Variants in NUSAP1 observed in about 807,000 individuals in gnomAD.
NUSAP1 encodes nucleolar and spindle-associated protein 1.
A neutral mutation model predicts 52.8 loss-of-function variants in NUSAP1; 32 were observed. The observed-to-expected ratio is 0.61, with a 90% CI of 0.46 to 0.81. The LOEUF (loss-of-function observed/expected upper bound fraction) is 0.81, where lower values mean the gene tolerates loss of function less well. Ranked by LOEUF, NUSAP1 falls within the 40% of genes least tolerant of loss-of-function variation. NUSAP1 has a pLI of 0.00. For synonymous variants in NUSAP1, 195 were observed against 183.1 expected (o/e 1.06, Z -0.52); for missense variants, 499 against 522.3 (o/e 0.96, Z 0.43).
chr15:41,344,940 C>G (rs1333793058), intron 2 of NUSAP1, among the ~76,000 whole-genome samples: 4 of 151,790 alleles, frequency 2.6e-5, no homozygotes, highest in Admixed American at 2.0e-4. Flanking sequence ...GACTCCGTCT[C>G]CGAAAAAAAG....
At chr15:41,351,711 C>T (rs1312459796) in intron 4 of NUSAP1, among the ~76,000 whole-genome samples, 2 of 152,096 alleles carry the variant, frequency 1.3e-5, no homozygotes, top group Non-Finnish European at 2.9e-5. Context: ...TGCTTGAACC[C>T]AGGAGGTTAA....
chr15:41,353,802 A>G (rs2048863603), intron 4 of NUSAP1, among the ~76,000 whole-genome samples: 2 of 152,112 alleles, frequency 1.3e-5, no homozygotes, highest in African/African-American at 4.8e-5. Flanking sequence ...TTAACCCGCT[A>G]CCTGTCCTAT....
intron 4 of NUSAP1, 49 bp from the exon 5 acceptor site, chr15:41,355,990 A>AGAAGC: frequency 8.1e-7 from 1 of 1,236,030 alleles, no homozygotes; most frequent in Non-Finnish European, 1.2e-6. Flanking sequence ...ATATTTCTTA[A>AGAAGC]TGAGAACTTT....
At position 41,349,111 on chromosome 15, in the gene NUSAP1, C is replaced by T. The variant is rs2048688509; in HGVS notation, c.176C>T (p.Thr59Ile). ...KGNENQDESQTSASSCDETEI... is the reference protein window; with the variant it reads ...KGNENQDESQISASSCDETEI... ...CTCTCTTTTCAGGATGAAAGTCAAA[C>T]TTCTGCATCCTCTTGTGATGAGACT... The change falls in exon 3 of 11, where the codon ACT becomes ATT. Residue 59 changes from threonine to isoleucine, a missense_variant. Thr to Ile is a moderately conservative substitution (Grantham distance 89, BLOSUM62 -1). Coordinates refer to ENST00000559596, the MANE Select transcript of NUSAP1 (RefSeq NM_016359.5). 6.2e-7 allele frequency: 1 copy of T among 1,613,684 alleles called. No homozygotes were observed. Among genetic ancestry groups the T allele is most frequent in the Admixed American group, 1.7e-5 (1 of 59,972 alleles).
chr15:41,351,477 C>T (rs2048776878), intron 4 of NUSAP1, among the ~76,000 whole-genome samples: 1 of 152,176 alleles, frequency 6.6e-6, no homozygotes, highest in Non-Finnish European at 1.5e-5. Context: ...GGACAGCAGT[C>T]ATATTGGATT....
chr15:41,354,172 T>C (rs907872420), intron 4 of NUSAP1, among the ~76,000 whole-genome samples: 2 of 152,102 alleles, frequency 1.3e-5, no homozygotes, highest in African/African-American at 4.8e-5. Context: ...GCCCAGGATT[T>C]TGAGGCCAGC....
chr15:41,349,604 C>T (rs1299875232), intron 3 of NUSAP1, among the ~76,000 whole-genome samples: 4 of 152,084 alleles, frequency 2.6e-5, no homozygotes, highest in African/African-American at 9.7e-5. Context: ...TGTCCCTGGC[C>T]TGGTGATCAC....
intron 1 of NUSAP1, among the ~76,000 whole-genome samples, chr15:41,337,660 T>G (rs973986885): frequency 6.6e-6 from 1 of 152,224 alleles, no homozygotes; most frequent in African/African-American, 2.4e-5. Flanking sequence ...ACAAAGCTTG[T>G]GTTCCCTCTC....
intron 2 of NUSAP1, among the ~76,000 whole-genome samples, chr15:41,346,495 A>C (rs2048574707): frequency 6.6e-6 from 1 of 151,658 alleles, no homozygotes; most frequent in South Asian, 2.1e-4. Context: ...TTTTGTAGAG[A>C]CTGGGGTCTC....
chr15:41,347,319 C>T (rs761928494), intron 2 of NUSAP1, among the ~76,000 whole-genome samples: 3 of 152,080 alleles, frequency 2.0e-5, no homozygotes, highest in Non-Finnish European at 2.9e-5. Context: ...AATCAGTCTA[C>T]CAGATGTCTC....
chr15:41,338,682 G>T (rs978596656), intron 1 of NUSAP1, among the ~76,000 whole-genome samples: 1 of 152,164 alleles, frequency 6.6e-6, no homozygotes, highest in African/African-American at 2.4e-5. Context: ...GGCGCCAGGC[G>T]CAGTGGCTCA....
intron 1 of NUSAP1, among the ~76,000 whole-genome samples, chr15:41,334,106 TTTTATTTG>T (rs939222430): frequency 6.9e-6 from 1 of 145,056 alleles, no homozygotes; most frequent in African/African-American, 2.5e-5. Flanking sequence ...ACAATTTTTT[TTTTATTTG>T]TTTGTTTGTT....
At position 41,380,255 on chromosome 15, in the gene NUSAP1, T is replaced by TTG; in HGVS notation, c.*69_*70insTG. The TTG allele has an allele frequency of 9.4e-7, 1 of 1,058,978 alleles. No individual in the cohort carries two copies. The allele number at this position is 1,058,978 out of a possible 1,614,324, so 65.6% of individuals were successfully genotyped here. A position where few individuals can be genotyped will look rare whatever the true frequency, so the allele number is the denominator to read the frequency against. ...TTTCCTTTTGTAAATTTTTTTTTTT[T>TTG]GCTGTCATCCCCACTTTAGTCACGA... On this transcript the variant is annotated 3_prime_UTR_variant, in exon 11 of 11. Transcript: ENST00000559596.
intron 6 of NUSAP1, among the ~76,000 whole-genome samples, chr15:41,361,113 C>T (rs953545814): frequency 1.4e-5 from 2 of 147,848 alleles, no homozygotes; most frequent in Admixed American, 1.4e-4. Context: ...AAAAAATAGG[C>T]CAGGGCGTGG....
intron 1 of NUSAP1, among the ~76,000 whole-genome samples, chr15:41,334,221 C>G (rs1418428301): frequency 6.6e-6 from 1 of 152,084 alleles, no homozygotes; most frequent in African/African-American, 2.4e-5. Flanking sequence ...TGGGTTCAAG[C>G]GATTCTCCTG....
intron 2 of NUSAP1, among the ~76,000 whole-genome samples, chr15:41,344,941 C>T (rs920788535): frequency 7.9e-5 from 12 of 151,288 alleles, no homozygotes; most frequent in East Asian, 1.9e-4. Context: ...ACTCCGTCTC[C>T]GAAAAAAAGA....
intron 7 of NUSAP1, among the ~76,000 whole-genome samples, chr15:41,370,333 G>C (rs2049616293): frequency 6.6e-6 from 1 of 152,162 alleles, no homozygotes; most frequent in South Asian, 2.1e-4. Context: ...AGTTAGCTGA[G>C]ATCGCACCAC....
In NUSAP1 at chr15:41,332,890, G is replaced by T. The variant is rs2140474723; in HGVS notation, c.-68G>T. ...CTAGTCAAAGTTAAGAGTGGCGCCA[G>T]GGATTTGAACCGCGCTGACGAAGTT... On this transcript the variant is annotated 5_prime_UTR_variant, in exon 1 of 11. It adds an upstream start codon to the 5' untranslated region. Coordinates refer to ENST00000559596, the MANE Select transcript of NUSAP1 (RefSeq NM_016359.5). 2.4e-6 allele frequency: 3 copies of T among 1,244,472 alleles called. No homozygotes were observed. In the East Asian group the frequency reaches 7.5e-5, roughly 31 times the overall value. 77.1% of individuals were successfully genotyped at this position (1,244,472 alleles called of 1,614,324 possible).
chr15:41,365,405 C>T lies in NUSAP1; in HGVS notation c.664C>T (p.Gln222Ter). Residue 222 changes from glutamine to a stop codon, truncating the protein, a stop_gained, in exon 7 of 11, where the codon CAG (glutamine) becomes TAG (stop). Transcript: ENST00000559596. LOFTEE classifies it high-confidence loss of function. Reference sequence around the variant, plus strand: ...AAATGATGCATTTTCTCTTCAGCAGCAGCCCATCAATAAGGGAGGGGTCAG... The same window carrying T: ...AAATGATGCATTTTCTCTTCAGCAGTAGCCCATCAATAAGGGAGGGGTCAG... ...EHNSMNELKQ[Q>*]PINKGGVRTP... 6.2e-7 allele frequency: 1 copy of T among 1,602,360 alleles called. No homozygotes were observed. Among genetic ancestry groups the T allele is most frequent in the Non-Finnish European group, 8.5e-7 (1 of 1,172,506 alleles).
Sources: allele counts gnomAD v4.1 joint callset (sites outside exome capture counted in the v4.1 genomes callset), GRCh38; gene constraint gnomAD v4.1.1; transcripts MANE v1.5; gene names NCBI Gene and HGNC (gene_info 2026-07-23, HGNC 2026-07-21).